TRDN: variants seen among roughly 807,000 people sequenced by gnomAD.
TRDN encodes the protein triadin, also known as triadin in skeletal muscle.
Under a neutral mutation model 149.7 loss-of-function variants are expected in TRDN, and 161 were observed. The observed-to-expected ratio is 1.08, with a 90% CI of 0.95 to 1.23. The LOEUF is 1.23. Ranked by LOEUF, TRDN falls within the 50% of genes most tolerant of loss-of-function variation. The pLI is 0.00. For missense variants in TRDN, 896 were observed against 823.5 expected (o/e 1.09, Z -1.08); for synonymous variants, 294 against 250.5 (o/e 1.17, Z -1.64).
At chr6:123,560,298 C>A (rs1781915615) in intron 2 of TRDN, among the ~76,000 whole-genome samples, 1 of 152,100 alleles carries the variant, frequency 6.6e-6, no homozygotes, top group Non-Finnish European at 1.5e-5. Context: ...TTAACTCGGG[C>A]CCTCACTCTT....
chr6:123,221,624 G>A, intron 39 of TRDN, 102 bp from the exon 40 acceptor site: 3 of 656,956 alleles, frequency 4.6e-6, no homozygotes, highest in Non-Finnish European at 7.4e-6. Flanking sequence ...CACTATGAAA[G>A]AAACAGGAGT....
intron 10 of TRDN, chr6:123,464,116 A>G (rs933337060): frequency 1.9e-5 from 7 of 374,368 alleles, no homozygotes; most frequent in African/African-American, 1.1e-4. Context: ...ATATAGGCAA[A>G]TTGAGTCTTG....
At chr6:123,485,106 C>A (rs1464426774) in intron 9 of TRDN, among the ~76,000 whole-genome samples, 1 of 152,146 alleles carries the variant, frequency 6.6e-6, no homozygotes, top group African/African-American at 2.4e-5. Flanking sequence ...AATCAGAAAG[C>A]AACTCTCATG....
At chr6:123,498,975 A>C (rs1337805035) in intron 8 of TRDN, among the ~76,000 whole-genome samples, 1 of 152,176 alleles carries the variant, frequency 6.6e-6, no homozygotes, top group Non-Finnish European at 1.5e-5. Flanking sequence ...GGGCTCCATC[A>C]TCCAAAAAAA....
At chr6:123,236,936 G>C (rs765614421) in intron 38 of TRDN, among the ~76,000 whole-genome samples, 2 of 142,932 alleles carry the variant, frequency 1.4e-5, no homozygotes, top group African/African-American at 3.1e-5. Flanking sequence ...TATATATTAA[G>C]AAATTCTGTC....
rs574446404 is a variant in TRDN at position 123,394,430 on chromosome 6, C to A, written c.1052-753G>T. On this transcript the variant is annotated intron_variant, in intron 12 of 40. Coordinates refer to ENST00000334268, the MANE Select transcript of TRDN (RefSeq NM_006073.4). ...TTGACTTAGTATGGTTTCTGATTGT[C>A]TTTACTGTTTTCAATTATTGAATTA... 1.6e-4 allele frequency among the ~76,000 whole-genome samples: 25 copies of A among 152,142 alleles called. 1 individual carries two copies. The South Asian group carries it at 5.2e-3, about 32-fold the overall frequency.
At chr6:123,254,940 A>ATTGAAATATAAG (rs1268865540) in intron 37 of TRDN, 141 bp downstream of exon 37, 4 of 603,528 alleles carry the variant, frequency 6.6e-6, no homozygotes, top group African/African-American at 5.4e-5. Flanking sequence ...TAGATTTTCT[A>ATTGAAATATAAG]CCTGTCCACT....
intron 12 of TRDN, among the ~76,000 whole-genome samples, chr6:123,430,669 C>T (rs1174847213): frequency 6.6e-6 from 1 of 152,070 alleles, no homozygotes; most frequent in Non-Finnish European, 1.5e-5. Flanking sequence ...AGGGTAGCCC[C>T]AAGTCCCCAA....
intron 5 of TRDN, among the ~76,000 whole-genome samples, chr6:123,528,397 T>A (rs1303530351): frequency 6.6e-6 from 1 of 151,722 alleles, no homozygotes; most frequent in Non-Finnish European, 1.5e-5. Flanking sequence ...GGAAAAAAAC[T>A]ATAGAGAAAT....
chr6:123,262,796 A>G (rs1274085580), intron 33 of TRDN, among the ~76,000 whole-genome samples: 1 of 152,032 alleles, frequency 6.6e-6, no homozygotes, highest in Non-Finnish European at 1.5e-5. Flanking sequence ...GTGATCTTTG[A>G]TATTACTACT....
intron 8 of TRDN, chr6:123,501,784 A>C: frequency 1.2e-6 from 1 of 827,280 alleles, no homozygotes. Flanking sequence ...TTAATAGATA[A>C]ATAACTCTTT....
chr6:123,266,757 T>G (rs1186332092), intron 32 of TRDN, among the ~76,000 whole-genome samples: 3 of 127,148 alleles, frequency 2.4e-5, no homozygotes, highest in Non-Finnish European at 4.7e-5. Context: ...TAATATGTAT[T>G]ATATATAATA....
At chr6:123,311,489 G>T (rs1397060327) in intron 24 of TRDN, among the ~76,000 whole-genome samples, 1 of 151,930 alleles carries the variant, frequency 6.6e-6, no homozygotes, top group Non-Finnish European at 1.5e-5. Context: ...GTAAACGGTT[G>T]ACTTTTAACA....
intron 6 of TRDN, 66 bp downstream of exon 6, chr6:123,516,075 G>A (rs1779397337): frequency 6.8e-6 from 9 of 1,330,194 alleles, no homozygotes; most frequent in Non-Finnish European, 8.8e-6. Flanking sequence ...AAATCTGAAT[G>A]TAAAGAGTAG....
At chr6:123,491,104 C>CAA (rs5879684) in intron 9 of TRDN, among the ~76,000 whole-genome samples, 65 of 117,552 alleles carry the variant, frequency 5.5e-4, no homozygotes, top group African/African-American at 2.3e-3. Context: ...GACTACATCT[C>CAA]AAAAAAAAAA....
chr6:123,421,888 TGC>T (rs1308740727), intron 12 of TRDN, among the ~76,000 whole-genome samples: 3 of 151,374 alleles, frequency 2.0e-5, no homozygotes, highest in Non-Finnish European at 4.4e-5. Context: ...CCAGGAGGAC[TGC>T]TTGAGCCTAG....
chr6:123,452,087 G>A (rs1156418435), intron 10 of TRDN, among the ~76,000 whole-genome samples: 1 of 152,010 alleles, frequency 6.6e-6, no homozygotes, highest in Non-Finnish European at 1.5e-5. Flanking sequence ...CAGCATTCAA[G>A]GGACATACCT....
chr6:123,534,396 G>C (rs985522387), intron 4 of TRDN, among the ~76,000 whole-genome samples: 7 of 152,148 alleles, frequency 4.6e-5, no homozygotes, highest in Admixed American at 1.3e-4. Flanking sequence ...TTTGGGGACT[G>C]GATTCCATCA....
intron 39 of TRDN, among the ~76,000 whole-genome samples, chr6:123,222,014 CACTG>C (rs757790729): frequency 2.6e-5 from 4 of 151,754 alleles, no homozygotes; most frequent in Non-Finnish European, 5.9e-5. Flanking sequence ...ACGTCTGATT[CACTG>C]ACTATTTATT....
Sources: gnomAD v4.1 joint callset for allele counts (sites outside exome capture counted in the v4.1 genomes callset) on GRCh38, gnomAD v4.1.1 for gene constraint, MANE v1.5 for transcripts, NCBI Gene and HGNC (gene_info 2026-07-23, HGNC 2026-07-21) for gene names.